ANKRD28: variants seen among roughly 807,000 people sequenced by gnomAD.
ANKRD28 encodes ankyrin repeat domain 28, also known as serine/threonine-protein phosphatase 6 regulatory ankyrin repeat subunit A.
In ANKRD28, 44 loss-of-function variants were observed where a neutral mutation model predicts 126.5. The ratio of observed to expected loss-of-function variants is 0.35; its 90% CI spans 0.27 to 0.45. The LOEUF (loss-of-function observed/expected upper bound fraction) is 0.45, where lower values mean the gene tolerates loss of function less well. Among genes scored for constraint, ANKRD28 ranks in the 20% least tolerant of loss-of-function variants. The probability of loss-of-function intolerance (pLI) is 1.00; values close to 1 mark genes in which losing one functional copy is unlikely to be tolerated. For synonymous variants in ANKRD28, 442 were observed against 468.5 expected, an observed-to-expected ratio of 0.94 and a Z score of 0.73; for missense variants, 1,110 against 1,316.6, an observed-to-expected ratio of 0.84 and a Z score of 2.43.
chr3:15,751,709 T>C (rs2057873109), intron 4 of ANKRD28, 41 bp downstream of exon 4: 1 of 1,314,784 alleles, frequency 7.6e-7, no homozygotes, highest in Non-Finnish European at 1.1e-6. Context: ...GCCTATTTAA[T>C]GTTTTCATAT....
rs751072013 is a variant in ANKRD28 at position 15,675,871 on chromosome 3, AG to A, written c.2965+26del. Reference sequence around the variant, plus strand: ...ATCAAAAGATAAAAGCTCTAGGTTAAGGGAAGAGAATATAGAACCAACTTAC... The same window carrying A: ...ATCAAAAGATAAAAGCTCTAGGTTAAGGAAGAGAATATAGAACCAACTTAC... On this transcript the variant is annotated intron_variant, in intron 27 of 27. Coordinates refer to ENST00000683139, the MANE Select transcript of ANKRD28 (RefSeq NM_001349278.2). The A allele has an allele frequency of 9.7e-6, 15 of 1,550,552 alleles. 1 individual carries two copies. Among genetic ancestry groups the A allele is most frequent in the African/African-American group, 1.4e-5 (1 of 73,242 alleles).
Position 15,731,042 on chromosome 3 carries a change from G to A in ANKRD28, c.640+4368C>T, listed in dbSNP as rs111775334. Among the ~76,000 whole-genome samples the A allele has an allele frequency of 3.9e-5, 6 of 152,310 alleles. 1 individual carries two copies. The highest frequency in any genetic ancestry group is 1.4e-4 in the African/African-American group (6 of 41,570). On this transcript the variant is annotated intron_variant, in intron 6 of 27. Coordinates refer to ENST00000683139, the MANE Select transcript of ANKRD28 (RefSeq NM_001349278.2). ...CCTGGACTTCCCAGCCTACAGAACTGTAAGGAAATAAAATTTCTGTTCTTT... is the reference window on the plus strand; with the variant it reads ...CCTGGACTTCCCAGCCTACAGAACTATAAGGAAATAAAATTTCTGTTCTTT...
chr3:15,737,259 G>T, intron 4 of ANKRD28, 26 bp from the exon 5 acceptor site: 18 of 1,588,540 alleles, frequency 1.1e-5, no homozygotes, highest in Non-Finnish European at 1.5e-5. Flanking sequence ...AGTTATAAAA[G>T]ACAAATGAGT....
intron 14 of ANKRD28, among the ~76,000 whole-genome samples, chr3:15,702,376 CTT>C (rs1338801055): frequency 3.3e-5 from 5 of 152,140 alleles, no homozygotes; most frequent in Admixed American, 3.3e-4. Flanking sequence ...TCTGTATACT[CTT>C]TTTTCTGTTT....
At chr3:15,700,227 C>T (rs1211732145) in intron 14 of ANKRD28, among the ~76,000 whole-genome samples, 2 of 152,056 alleles carry the variant, frequency 1.3e-5, no homozygotes, top group Non-Finnish European at 2.9e-5. Context: ...AACTCTCACT[C>T]TTAAGTGGAA....
chr3:15,685,444 G>A lies in ANKRD28; in HGVS notation c.2171C>T (p.Ala724Val). 3 of 1,613,582 alleles carry A rather than the reference G, an allele frequency of 1.9e-6. No individual in the cohort carries two copies. The highest frequency in any genetic ancestry group is 2.5e-6 in the Non-Finnish European group (3 of 1,179,526). Residue 724 changes from alanine (A) to valine (V), a missense_variant and splice_region_variant, in exon 21 of 28, where the codon GCA becomes GTA. Transcript: ENST00000683139. Reference sequence around the variant, plus strand: ...TACACATTCTTCATGGCCTGTAACTGCCTGAAAGAAAATAATTTAAAGGTA... The same window carrying A: ...TACACATTCTTCATGGCCTGTAACTACCTGAAAGAAAATAATTTAAAGGTA... ...KWGRTALHRG[A>V]VTGHEECVDA...
At position 15,831,526 on chromosome 3, in the gene ANKRD28, G is replaced by C. The variant is rs529707257; in HGVS notation, c.27+27851C>G. ...TAGTATCCTTCCCTCCTTCCCAGTG[G>C]TAACAACAAAAAATGTCTCCAGACA... On this transcript the variant is annotated intron_variant, in intron 1 of 27. Transcript: ENST00000399451. Among the ~76,000 whole-genome samples, 175 of 152,146 alleles carry C rather than the reference G, an allele frequency of 1.2e-3. 1 individual carries two copies. Among genetic ancestry groups the C allele is most frequent in the East Asian group, 9.6e-4 (5 of 5,184 alleles).
intron 2 of ANKRD28, among the ~76,000 whole-genome samples, chr3:15,793,734 T>C (rs573236272): frequency 2.8e-4 from 42 of 152,298 alleles, no homozygotes; most frequent in Non-Finnish European, 4.7e-4. Context: ...TACTCTTCAG[T>C]ATACCCTGGG....
rs200499762 is a variant in ANKRD28, at chr3:15,845,312, A to G, written c.27+14065T>C. Among the ~76,000 whole-genome samples, 7 of 7,308 alleles carry G rather than the reference A, an allele frequency of 9.6e-4. No individual in the cohort carries two copies. The highest frequency in any genetic ancestry group is 2.4e-3 in the African/African-American group (7 of 2,930). The allele number at this position is 7,308 out of a possible 152,430, so 4.8% of individuals were successfully genotyped here. A position where few individuals can be genotyped will look rare whatever the true frequency, so the allele number is the denominator to read the frequency against. ...CAATCTTCCAGAACATTTCTAAAGT[A>G]TATATATATATATATTCCATATTAC... On this transcript the variant is annotated intron_variant, in intron 1 of 27. Transcript: ENST00000399451. This position sits in a 1 kb window ranked among gnomAD's most constrained non-coding sequence, Gnocchi z 4.9.
chr3:15,850,190 T>TTAAAAAAA (rs1393900361), intron 1 of ANKRD28, among the ~76,000 whole-genome samples: 4 of 31,964 alleles, frequency 1.3e-4, no homozygotes, highest in African/African-American at 3.6e-4. Flanking sequence ...CTACATGCAA[T>TTAAAAAAA]AAAAAAAAAA....
chr3:15,753,180 A>T (rs907719990), intron 3 of ANKRD28, among the ~76,000 whole-genome samples: 1 of 152,208 alleles, frequency 6.6e-6, no homozygotes, highest in African/African-American at 2.4e-5. Context: ...GCAAATAAAG[A>T]ACCAGTCAGA....
chr3:15,675,874 G>C lies in ANKRD28; in HGVS notation c.2965+24C>G, dbSNP rs758946575. 7.0e-6 allele frequency: 11 copies of C among 1,562,850 alleles called. No homozygotes were observed. In the African/African-American group the frequency reaches 1.2e-4, roughly 17 times the overall value. On this transcript the variant is annotated intron_variant, in intron 27 of 27. Transcript: ENST00000683139. ...AAAAGATAAAAGCTCTAGGTTAAGGGAAGAGAATATAGAACCAACTTACCA... is the reference window on the plus strand; with the variant it reads ...AAAAGATAAAAGCTCTAGGTTAAGGCAAGAGAATATAGAACCAACTTACCA...
chr3:15,770,027 T>C (rs2058923331), intron 2 of ANKRD28, among the ~76,000 whole-genome samples: 1 of 151,192 alleles, frequency 6.6e-6, no homozygotes, highest in South Asian at 2.1e-4. Flanking sequence ...GAAAAAGCCT[T>C]GGTCTAACTT....
At chr3:15,756,728 T>A (rs1438776627) in intron 3 of ANKRD28, among the ~76,000 whole-genome samples, 3 of 152,074 alleles carry the variant, frequency 2.0e-5, no homozygotes, top group Admixed American at 2.0e-4. Flanking sequence ...TGGATATGAA[T>A]ATGTATGGAC....
chr3:15,808,129 T>A (rs2060627941), intron 1 of ANKRD28, among the ~76,000 whole-genome samples: 1 of 152,162 alleles, frequency 6.6e-6, no homozygotes, highest in African/African-American at 2.4e-5. Flanking sequence ...GACCCATCTG[T>A]CTCCGAAGCT....
intron 2 of ANKRD28, among the ~76,000 whole-genome samples, chr3:15,770,620 C>T (rs902237760): frequency 6.6e-6 from 1 of 152,160 alleles, no homozygotes; most frequent in Admixed American, 6.5e-5. Flanking sequence ...TGTTTCTTCT[C>T]TGCACATGAG....
rs182984441 is a variant in ANKRD28, at chr3:15,835,231, A to G, written c.27+24146T>C. 7.2e-5 allele frequency among the ~76,000 whole-genome samples: 11 copies of G among 152,292 alleles called. No individual in the cohort carries two copies. In the East Asian group the frequency reaches 2.1e-3, roughly 29 times the overall value. On this transcript the variant is annotated intron_variant, in intron 1 of 27. Transcript: ENST00000399451. ...GATGTTTTATCTAATTTTTCAATACACACCTCATTCCATATACACAAACAG... is the reference window on the plus strand; with the variant it reads ...GATGTTTTATCTAATTTTTCAATACGCACCTCATTCCATATACACAAACAG...
In ANKRD28 at chr3:15,678,240, C is replaced by T. The variant is rs368204050; in HGVS notation, c.2676G>A (p.Met892Ile). ...VDSTGKTPLM[M>I]AAENGQTNTV... ...TATTTGTTTGTCCATTTTCTGCAGCCATCATAAGAGGTGTTTTCCCTGTAG... is the reference window on the plus strand; with the variant it reads ...TATTTGTTTGTCCATTTTCTGCAGCTATCATAAGAGGTGTTTTCCCTGTAG... Residue 892 changes from methionine (M) to isoleucine (I), a missense_variant, in exon 24 of 28, where the codon ATG (methionine) becomes ATA (isoleucine). Transcript: ENST00000683139. The T allele has an allele frequency of 1.6e-5, 26 of 1,611,634 alleles. No homozygotes were observed. The highest frequency in any genetic ancestry group is 2.2e-5 in the Non-Finnish European group (26 of 1,179,286).
At chr3:15,742,936 G>C (rs1019903514) in intron 4 of ANKRD28, among the ~76,000 whole-genome samples, 18 of 151,498 alleles carry the variant, frequency 1.2e-4, no homozygotes, top group Admixed American at 7.2e-4. Context: ...AATAGAAAGG[G>C]GGGAAAGGCG....
Sources: gnomAD v4.1 joint callset for allele counts (sites outside exome capture counted in the v4.1 genomes callset) on GRCh38, gnomAD v4.1.1 for gene constraint, Gnocchi (gnomAD v3.1) non-coding constraint, MANE v1.5 for transcripts, NCBI Gene and HGNC (gene_info 2026-07-23, HGNC 2026-07-21) for gene names.